Variants in OCA2 observed in about 807,000 individuals in gnomAD.
OCA2 encodes P protein.
In OCA2, 77 loss-of-function variants were observed where a neutral mutation model predicts 100.2. The ratio of observed to expected loss-of-function variants is 0.77; its 90% confidence interval spans 0.64 to 0.93. OCA2 has a LOEUF of 0.93. Among genes scored for constraint, OCA2 ranks in the 40% least tolerant of loss-of-function variants. The pLI, the probability that OCA2 is intolerant of heterozygous loss-of-function variation, is 0.00. For missense variants in OCA2, 1,062 were observed against 1,089.1 expected (o/e 0.98, Z 0.35); for synonymous variants, 432 against 439.2 (o/e 0.98, Z 0.21).
In OCA2 at chr15:27,770,891, CA is replaced by C. The variant is rs1370223161; in HGVS notation, c.2433-15420del. 4.5e-4 allele frequency among the ~76,000 whole-genome samples: 59 copies of C among 130,910 alleles called. 2 individuals are homozygous for C. The highest frequency in any genetic ancestry group is 1.3e-3 in the African/African-American group (45 of 33,538). 85.9% of individuals were successfully genotyped at this position (130,910 alleles called of 152,430 possible). ...CTTCCCTCCTTCCTTTGCTCCTTCC[CA>C]TCTCCTTTTCCTTCCTTCCCTCCTC... On this transcript the variant is annotated intron_variant, in intron 23 of 23. Coordinates refer to ENST00000354638, the MANE Select transcript of OCA2 (RefSeq NM_000275.3).
At chr15:27,801,348 T>C (rs1197516305) in intron 23 of OCA2, among the ~76,000 whole-genome samples, 1 of 151,924 alleles carries the variant, frequency 6.6e-6, no homozygotes, top group Non-Finnish European at 1.5e-5. Context: ...GGTCAAGAGA[T>C]CAAGACCATC....
intron 23 of OCA2, among the ~76,000 whole-genome samples, chr15:27,827,503 A>G (rs1380158714): frequency 6.6e-6 from 1 of 152,164 alleles, no homozygotes; most frequent in Non-Finnish European, 1.5e-5. Context: ...TGTGCAAGTC[A>G]TCATACTATT....
At position 27,950,660 on chromosome 15, in the gene OCA2, ATGTGT is replaced by A. The variant is rs2039996477; in HGVS notation, c.1951+1119_1951+1123del. 3.6e-5 allele frequency: 14 copies of A among 385,002 alleles called. 1 individual carries two copies. The highest frequency in any genetic ancestry group is 2.7e-4 in the South Asian group (14 of 51,890). 23.8% of individuals were successfully genotyped at this position (385,002 alleles called of 1,614,324 possible). The stretch of plus-strand genomic sequence containing the variant: ...AACTCCAGTCAAAAGCACATACATC[ATGTGT>A]TGTGTGAGAATCTAGAAATGCGGCT... On this transcript the variant is annotated intron_variant, in intron 18 of 23. Transcript: ENST00000354638.
chr15:28,034,849 G>T, intron 2 of OCA2, among the ~76,000 whole-genome samples: 1 of 151,964 alleles, frequency 6.6e-6, no homozygotes, highest in East Asian at 1.9e-4. Context: ...TTTTGCATGA[G>T]ATTGGCTTTT....
chr15:27,867,579 G>A lies in OCA2; in HGVS notation c.2244+3575C>T, dbSNP rs149967754. 6.1e-3 allele frequency among the ~76,000 whole-genome samples: 934 copies of A among 152,250 alleles called. 6 individuals carry two copies. The highest frequency in any genetic ancestry group is 9.5e-3 in the Non-Finnish European group (646 of 68,016). ...TCACACAAGGTAAAAGAAACCAGTC[G>A]CTGTGAAGTTACTAGATAATGAACT... is the stretch of plus-strand genomic sequence containing the variant. On this transcript the variant is annotated intron_variant, in intron 21 of 23. Transcript: ENST00000354638.
chr15:27,726,680 T>C, the OCA2 span, among the ~76,000 whole-genome samples: 9 of 152,124 alleles, frequency 5.9e-5, no homozygotes, highest in African/African-American at 2.2e-4. Flanking sequence ...GAGCAAAAGC[T>C]GGAGGAATGG....
At chr15:27,970,241 A>G (rs1053120221) in intron 14 of OCA2, among the ~76,000 whole-genome samples, 2 of 151,994 alleles carry the variant, frequency 1.3e-5, no homozygotes, top group Non-Finnish European at 2.9e-5. Flanking sequence ...AAGGTCAAAA[A>G]CGAAGACCCC....
At chr15:27,934,728 A>G (rs1014711424) in intron 18 of OCA2, among the ~76,000 whole-genome samples, 4 of 152,202 alleles carry the variant, frequency 2.6e-5, no homozygotes, top group African/African-American at 9.7e-5. Flanking sequence ...TGGAGGCCTG[A>G]GCTTTCCTCC....
chr15:27,754,990 A>G lies in OCA2; in HGVS notation c.*398T>C, dbSNP rs2030224069. ...CAATTTGAATGCTGATTATTTTAAC[A>G]TGAAAAGTGATTACAAGAAAAACAA... On this transcript the variant is annotated 3_prime_UTR_variant, in exon 24 of 24. Transcript: ENST00000354638. The G allele has an allele frequency of 3.9e-6, 1 of 257,140 alleles. No individual in the cohort carries two copies. The highest frequency in any genetic ancestry group is 7.7e-6 in the Non-Finnish European group (1 of 129,894). 15.9% of individuals were successfully genotyped at this position (257,140 alleles called of 1,614,324 possible). A position where few individuals can be genotyped will look rare whatever the true frequency, so the allele number is the denominator to read the frequency against.
chr15:27,722,183 C>T, the OCA2 span, among the ~76,000 whole-genome samples: 36 of 152,324 alleles, frequency 2.4e-4, no homozygotes, highest in East Asian at 7.7e-4. Flanking sequence ...CTGCTGTATC[C>T]GCCGTACTGG....
At chr15:27,759,473 C>T (rs567900932) in intron 23 of OCA2, among the ~76,000 whole-genome samples, 2 of 151,660 alleles carry the variant, frequency 1.3e-5, no homozygotes, top group African/African-American at 2.4e-5. Flanking sequence ...AGTAAAAGCA[C>T]GGATAAAGAA....
intron 23 of OCA2, among the ~76,000 whole-genome samples, chr15:27,811,926 C>T (rs1439933469): frequency 6.6e-6 from 1 of 152,212 alleles, no homozygotes; most frequent in Non-Finnish European, 1.5e-5. Flanking sequence ...CCCTCCCCTG[C>T]ACCAACCTTG....
intron 23 of OCA2, among the ~76,000 whole-genome samples, chr15:27,835,532 A>C (rs1250542460): frequency 6.6e-6 from 1 of 152,234 alleles, no homozygotes; most frequent in African/African-American, 2.4e-5. Flanking sequence ...CTGCCCTTTC[A>C]AATTCCATGA....
intron 19 of OCA2, among the ~76,000 whole-genome samples, chr15:27,898,445 T>C (rs1330932871): frequency 6.6e-6 from 1 of 152,228 alleles, no homozygotes; most frequent in East Asian, 1.9e-4. Context: ...GGAGTTTTCC[T>C]GCACAAGCTC....
rs540040341 is a variant in OCA2, at chr15:27,877,532, A to G, written c.2080-5610T>C. ...CATTTATAATTGTTATATCTTCCTTATAATCTGTCCCATTTATTATTATTA... is the reference window on the plus strand; with the variant it reads ...CATTTATAATTGTTATATCTTCCTTGTAATCTGTCCCATTTATTATTATTA... On this transcript the variant is annotated intron_variant, in intron 19 of 23. Transcript: ENST00000354638. 2.6e-5 allele frequency among the ~76,000 whole-genome samples: 4 copies of G among 152,072 alleles called. No homozygotes were observed. In the East Asian group the frequency reaches 7.7e-4, roughly 29 times the overall value.
chr15:28,069,421 C>T lies in OCA2; in HGVS notation c.227+12227G>A, dbSNP rs1226162920. ...CCCCCTCCCCTTCCCCCTCCCCCTC[C>T]CCCTCCCCCTCCCCCTCTCCCCGGT... is the stretch of plus-strand genomic sequence containing the variant. On this transcript the variant is annotated intron_variant, in intron 2 of 23. Coordinates refer to ENST00000354638, the MANE Select transcript of OCA2 (RefSeq NM_000275.3). Among the ~76,000 whole-genome samples the T allele has an allele frequency of 3.4e-3, 139 of 40,516 alleles. 50 individuals are homozygous for T. In the African/African-American group the frequency reaches 0.047, roughly 14 times the overall value. The allele number at this position is 40,516 out of a possible 152,430, so 26.6% of individuals were successfully genotyped here.
chr15:28,009,686 A>T (rs1031506212), intron 9 of OCA2, among the ~76,000 whole-genome samples: 3 of 99,052 alleles, frequency 3.0e-5, no homozygotes, highest in Admixed American at 1.0e-4. Flanking sequence ...AGATTCTGTC[A>T]CACACACACA....
At chr15:28,059,584 T>C (rs2043809383) in intron 2 of OCA2, among the ~76,000 whole-genome samples, 1 of 152,200 alleles carries the variant, frequency 6.6e-6, no homozygotes, top group Non-Finnish European at 1.5e-5. Flanking sequence ...AAGACAAATC[T>C]AAATTTGAGA....
chr15:27,904,042 C>CT (rs995856138), intron 19 of OCA2, among the ~76,000 whole-genome samples: 7 of 152,192 alleles, frequency 4.6e-5, no homozygotes, highest in Admixed American at 4.6e-4. Flanking sequence ...AACATGATGC[C>CT]TGCAGATAAG....
Sources: gnomAD v4.1 joint callset for allele counts (sites outside exome capture counted in the v4.1 genomes callset) on GRCh38, gnomAD v4.1.1 for gene constraint, MANE v1.5 for transcripts, NCBI Gene and HGNC (gene_info 2026-07-23, HGNC 2026-07-21) for gene names.